MYH11: variants seen among roughly 807,000 people sequenced by gnomAD.
The protein encoded by MYH11 is myosin heavy chain 11, also known as myosin-11.
Under a neutral mutation model 246.6 loss-of-function variants are expected in MYH11, and 80 were observed. The ratio of observed to expected loss-of-function variants is 0.32; its 90% CI spans 0.27 to 0.39. The LOEUF is 0.39. Ranked by LOEUF, MYH11 falls within the 10% of genes least tolerant of loss-of-function variation. MYH11 has a pLI of 1.00. For missense variants in MYH11, 2,158 were observed against 2,546.8 expected (o/e 0.85, Z 3.29); for synonymous variants, 1,071 against 1,015.5 (o/e 1.05, Z -1.04).
chr16:15,773,290 AT>A (rs34265896), intron 8 of MYH11, among the ~76,000 whole-genome samples: 5,973 of 128,558 alleles, frequency 0.046, 386 homozygotes, highest in African/African-American at 0.16. Context: ...TCCTCCAGCT[AT>A]TTTTTTTTTT....
rs111370117 is a variant in MYH11 at position 15,735,693 on chromosome 16, C to T, written c.3294-115G>A. The T allele has an allele frequency of 5.6e-3, 5,359 of 960,336 alleles. 204 individuals are homozygous for T. In the African/African-American group the frequency reaches 0.077, roughly 14 times the overall value. 59.5% of individuals were successfully genotyped at this position (960,336 alleles called of 1,614,324 possible). On this transcript the variant is annotated intron_variant, in intron 25 of 40. Coordinates refer to ENST00000300036, the MANE Select transcript of MYH11 (RefSeq NM_002474.3). ...GTTATGTTGCAGAGACATCAAACAC[C>T]TTCTATCCATGTCCCCAGGTCTGCT...
chr16:15,831,464 G>GGTGTGT (rs59352444), intron 2 of MYH11, among the ~76,000 whole-genome samples: 7,717 of 145,540 alleles, frequency 0.053, 193 homozygotes, highest in African/African-American at 0.062. Flanking sequence ...TTATGTTTGG[G>GGTGTGT]GTGTGTGTGT....
chr16:15,768,460 C>T (rs1017123339), intron 9 of MYH11, among the ~76,000 whole-genome samples: 19 of 152,136 alleles, frequency 1.2e-4, no homozygotes, highest in Non-Finnish European at 2.8e-4. Flanking sequence ...CCACCCCCTT[C>T]TCCATAGGCC....
chr16:15,756,687 AC>A, intron 13 of MYH11, among the ~76,000 whole-genome samples, 173 bp from the exon 14 acceptor site: 1 of 151,312 alleles, frequency 6.6e-6, no homozygotes, highest in Non-Finnish European at 1.5e-5. Flanking sequence ...CCTTCAAATT[AC>A]CCTGTGCCCA....
At chr16:15,751,217 A>G (rs1354621313) in intron 15 of MYH11, among the ~76,000 whole-genome samples, 3 of 151,348 alleles carry the variant, frequency 2.0e-5, no homozygotes, top group Admixed American at 6.6e-5. Flanking sequence ...CTGGAGTGCA[A>G]TGGCGTGATC....
intron 28 of MYH11, 84 bp downstream of exon 28, chr16:15,726,764 C>T: frequency 1.3e-6 from 2 of 1,527,464 alleles, no homozygotes; most frequent in South Asian, 2.3e-5. Flanking sequence ...CAAGAGAGAC[C>T]TCAGCGAGCC....
chr16:15,838,743 C>A (rs1036604795), intron 1 of MYH11, among the ~76,000 whole-genome samples: 3 of 151,662 alleles, frequency 2.0e-5, no homozygotes, highest in Non-Finnish European at 4.4e-5. Context: ...ACCTGTAATC[C>A]CAGCCACTTG....
rs1304732760 is a variant in MYH11 at position 15,703,809 on chromosome 16, G to C, written c.*182C>G. 9 of 804,846 alleles carry C rather than the reference G, an allele frequency of 1.1e-5. No homozygotes were observed. The highest frequency in any genetic ancestry group is 1.9e-5 in the Non-Finnish European group (9 of 485,110). The allele number at this position is 804,846 out of a possible 1,614,324, so 49.9% of individuals were successfully genotyped here. A position where few individuals can be genotyped will look rare whatever the true frequency, so the allele number is the denominator to read the frequency against. On this transcript the variant is annotated 3_prime_UTR_variant, in exon 41 of 41. Coordinates refer to ENST00000300036, the MANE Select transcript of MYH11 (RefSeq NM_002474.3). ...TACTACGTTGCCCAGGCTGGAGGGT[G>C]GTGGTTTTTATATTCCTTGTGTGAG...
chr16:15,782,637 G>T, intron 5 of MYH11, 160 bp from the exon 6 acceptor site: 2 of 642,074 alleles, frequency 3.1e-6, no homozygotes, highest in Non-Finnish European at 5.6e-6. Context: ...ATTTACAGGA[G>T]GATTTCAGAA....
intron 1 of MYH11, among the ~76,000 whole-genome samples, 162 bp downstream of exon 1, chr16:15,856,779 A>G (rs2044482908): frequency 6.6e-6 from 1 of 152,104 alleles, no homozygotes; most frequent in Admixed American, 6.5e-5. Flanking sequence ...TAAGACGATA[A>G]GGCAGAGAGA....
At chr16:15,831,705 G>C (rs1350402822) in intron 2 of MYH11, among the ~76,000 whole-genome samples, 3 of 152,072 alleles carry the variant, frequency 2.0e-5, no homozygotes, top group Non-Finnish European at 2.9e-5. Context: ...TTGGGAGGCG[G>C]AGGTGGGAGG....
At chr16:15,717,400 C>A (rs761304474) in intron 37 of MYH11, 52 bp from the exon 38 acceptor site, 2 of 1,578,952 alleles carry the variant, frequency 1.3e-6, no homozygotes, top group Non-Finnish European at 1.7e-6. Context: ...CCCAAGAGAG[C>A]GCACTGAGAC....
intron 2 of MYH11, among the ~76,000 whole-genome samples, chr16:15,833,719 C>G (rs143671253): frequency 1.3e-3 from 194 of 152,272 alleles, no homozygotes; most frequent in Middle Eastern, 3.4e-3. Context: ...GAAAGTTTAT[C>G]TTCATCACAG....
At chr16:15,720,411 C>T (rs2040405324) in intron 33 of MYH11, 99 bp from the exon 34 acceptor site, 3 of 1,483,564 alleles carry the variant, frequency 2.0e-6, no homozygotes, top group East Asian at 2.5e-5. Context: ...CCAGCACAGC[C>T]CCCTTGTGAG....
chr16:15,772,153 G>A (rs907359675), intron 8 of MYH11, among the ~76,000 whole-genome samples: 11 of 139,148 alleles, frequency 7.9e-5, no homozygotes, highest in Admixed American at 3.2e-4. Flanking sequence ...GTGCAGTGGC[G>A]CGATCTCGGC....
At position 15,748,064 on chromosome 16, in the gene MYH11, G is replaced by A; in HGVS notation, c.2163C>T (p.Phe721=). 2.5e-6 allele frequency: 4 copies of A among 1,614,210 alleles called. No individual in the cohort carries two copies. The highest frequency in any genetic ancestry group is 2.2e-5 in the East Asian group (1 of 44,868). ...CRQGFPNRIV[F]QEFRQRYEIL... ...GGACTTACCGTTGGCGGAACTCCTG[G>A]AAGACGATCCGGTTGGGGAAGCCCT... The change falls in exon 17 of 41, where the codon TTC becomes TTT. Residue 721 remains phenylalanine (F), a synonymous_variant. Transcript: ENST00000300036.
At chr16:15,734,000 G>T (rs768113037) in intron 26 of MYH11, among the ~76,000 whole-genome samples, 2 of 152,200 alleles carry the variant, frequency 1.3e-5, no homozygotes, top group East Asian at 1.9e-4. Context: ...TATGATACAT[G>T]CTATGCCAAC....
intron 36 of MYH11, 97 bp from the exon 37 acceptor site, chr16:15,718,535 A>G (rs1447652325): frequency 2.0e-6 from 3 of 1,467,522 alleles, no homozygotes; most frequent in African/African-American, 2.8e-5. Context: ...TGCCCTCATC[A>G]TCTAATGGGT....
Position 15,759,563 on chromosome 16 carries a change from C to T in MYH11, c.1401+13G>A, listed in dbSNP as rs1211058223. ...ACCAAGACCATGGCTCTTAGGATCC[C>T]ACCGAGCTGTACCTCAAAGATCTCA... On this transcript the variant is annotated intron_variant, in intron 12 of 40. Transcript: ENST00000300036. The T allele has an allele frequency of 5.6e-6, 9 of 1,614,148 alleles. No individual in the cohort carries two copies. Among genetic ancestry groups the T allele is most frequent in the Non-Finnish European group, 7.6e-6 (9 of 1,180,022 alleles).
Sources: allele counts gnomAD v4.1 joint callset (sites outside exome capture counted in the v4.1 genomes callset), GRCh38; gene constraint gnomAD v4.1.1; transcripts MANE v1.5; gene names NCBI Gene and HGNC (gene_info 2026-07-23, HGNC 2026-07-21).